Variants in PFKL observed in about 807,000 individuals in gnomAD.
PFKL encodes the protein phosphofructokinase, liver type, also known as ATP-dependent 6-phosphofructokinase, liver type.
PFKL carries 74 observed loss-of-function variants against 92.1 expected under a neutral mutation model. That is an observed-to-expected ratio of 0.80 (90% CI 0.67 to 0.97). The LOEUF (loss-of-function observed/expected upper bound fraction) is 0.97. Among genes scored for constraint, PFKL ranks in the 50% least tolerant of loss-of-function variants. PFKL has a pLI of 0.00. For synonymous variants in PFKL, 494 were observed against 456.4 expected (o/e 1.08, Z -1.05); for missense variants, 1,028 against 1,116.6 (o/e 0.92, Z 1.13).
At chr21:44,318,131 C>T (rs939135172) in intron 9 of PFKL, among the ~76,000 whole-genome samples, 4 of 152,258 alleles carry the variant, frequency 2.6e-5, no homozygotes, top group Admixed American at 1.3e-4. Context: ...GAGGATCCAT[C>T]GCAGCGGATG....
At chr21:44,321,513 G>C in intron 12 of PFKL, 1 of 436,852 alleles carries the variant, frequency 2.3e-6, no homozygotes, top group Non-Finnish European at 4.0e-6. Flanking sequence ...AGGGGGCCAG[G>C]CTTGCACCGT....
Position 44,316,452 on chromosome 21 carries a change from C to G in PFKL, c.864C>G (p.Gly288=). 1 of 1,611,766 alleles carries G rather than the reference C, an allele frequency of 6.2e-7. No homozygotes were observed. The highest frequency in any genetic ancestry group is 8.5e-7 in the Non-Finnish European group (1 of 1,178,900). Residue 288 remains glycine (G), a synonymous_variant, in exon 9 of 22, where the codon GGC becomes GGG. Transcript: ENST00000349048. ...YVKDLVVQRL[G]FDTRVTVLGH... is the part of the protein sequence containing the mutation. ...TGCAGCTGGTGGTTCAGAGGCTGGG[C>G]TTCGACACCCGTGTAACTGTGCTGG...
chr21:44,324,458 G>C (rs144833708), intron 16 of PFKL, 33 bp from the exon 17 acceptor site: 7 of 1,610,256 alleles, frequency 4.3e-6, no homozygotes, highest in Non-Finnish European at 5.9e-6. Context: ...GGGTGGGCAC[G>C]TGGAGGACCC....
chr21:44,316,351 C>T lies in PFKL; in HGVS notation c.843+12C>T. On this transcript the variant is annotated intron_variant, in intron 8 of 21. Coordinates refer to ENST00000349048, the MANE Select transcript of PFKL (RefSeq NM_002626.6). ...GCTACGTGAAGGACGTGCGTGTGGG[C>T]CTGGGGGTGGCCACTGGGCACCTGC... The T allele has an allele frequency of 1.9e-6, 3 of 1,612,774 alleles. No homozygotes were observed. The highest frequency in any genetic ancestry group is 2.5e-6 in the Non-Finnish European group (3 of 1,179,534).
At position 44,314,002 on chromosome 21, in the gene PFKL, T is replaced by C. The variant is rs1335535843; in HGVS notation, c.728T>C (p.Met243Thr). The stretch of plus-strand genomic sequence containing the variant: ...CCCGAGGACGGCTGGGAGAACTTCA[T>C]GTGTGAGAGGCTGGGTGAGGTGGGT... Reference protein sequence around the residue: ...APPEDGWENFMCERLGETRSR... With the variant: ...APPEDGWENFTCERLGETRSR... Residue 243 changes from methionine to threonine, a missense_variant, in exon 7 of 22, where the codon ATG becomes ACG. Coordinates refer to ENST00000349048, the MANE Select transcript of PFKL (RefSeq NM_002626.6). The C allele has an allele frequency of 1.9e-6, 3 of 1,606,634 alleles. No homozygotes were observed. The highest frequency in any genetic ancestry group is 1.3e-5 in the African/African-American group (1 of 74,982).
chr21:44,319,272 A>G, intron 10 of PFKL, 79 bp from the exon 11 acceptor site: 1 of 1,254,966 alleles, frequency 8.0e-7, no homozygotes, highest in Non-Finnish European at 1.2e-6. Context: ...TGCCCTCGTC[A>G]GGCCCACCAG....
Position 44,324,750 on chromosome 21 carries a change from C to G in PFKL, c.1815+95C>G, listed in dbSNP as rs911889614. 3 of 1,565,220 alleles carry G rather than the reference C, an allele frequency of 1.9e-6. No individual in the cohort carries two copies. In the African/African-American group the frequency reaches 4.0e-5, roughly 21 times the overall value. On this transcript the variant is annotated intron_variant, in intron 17 of 21. Coordinates refer to ENST00000349048, the MANE Select transcript of PFKL (RefSeq NM_002626.6). Reference sequence around the variant, plus strand: ...CGGCCAGCGCAGGGCAGGGCCCGGGCAGGTGGGACGCGTAGCCCAGTGCTC... The same window carrying G: ...CGGCCAGCGCAGGGCAGGGCCCGGGGAGGTGGGACGCGTAGCCCAGTGCTC...
chr21:44,310,521 C>T (rs2041085327), intron 2 of PFKL, among the ~76,000 whole-genome samples: 1 of 152,188 alleles, frequency 6.6e-6, no homozygotes. Flanking sequence ...TTCACACGGC[C>T]GCCACACAGC....
rs2047447821 is a variant in PFKL, at chr21:44,324,611, GC to G, written c.1773del (p.Ala592ProfsTer13). 1 of 1,610,672 alleles carries G rather than the reference GC, an allele frequency of 6.2e-7. No homozygotes were observed. Among genetic ancestry groups the G allele is most frequent in the Admixed American group, 1.7e-5 (1 of 59,714 alleles). On this transcript the variant is annotated frameshift_variant, in exon 17 of 22. Transcript: ENST00000349048. LOFTEE classifies it high-confidence loss of function. ...GACTGGCATTGCTGTGGGGGCCGACGCCGCCTACGTCTTCGAGGACCCTTTC... is the reference window on the plus strand; with the variant it reads ...GACTGGCATTGCTGTGGGGGCCGACGCGCCTACGTCTTCGAGGACCCTTTC... ...TVTGIAVGAD[A>X]AYVFEDPFNI...
intron 2 of PFKL, among the ~76,000 whole-genome samples, chr21:44,308,584 CAG>C (rs1460499055): frequency 1.0e-4 from 13 of 129,154 alleles, no homozygotes; most frequent in African/African-American, 1.8e-4. Context: ...TTTTTTGAGA[CAG>C]AGTCTCATTC....
chr21:44,310,762 C>CA (rs2047018702), intron 2 of PFKL, among the ~76,000 whole-genome samples: 1 of 151,966 alleles, frequency 6.6e-6, no homozygotes, highest in South Asian at 2.1e-4. Context: ...GCCCCTGCAC[C>CA]AAAGCACTTG....
chr21:44,306,805 C>T (rs371505384), intron 2 of PFKL, 51 bp downstream of exon 2: 27 of 1,518,176 alleles, frequency 1.8e-5, no homozygotes, highest in Middle Eastern at 1.7e-4. Flanking sequence ...CCTCCTGAGG[C>T]GCATGCCGAG....
chr21:44,319,280 C>G (rs886883867), intron 10 of PFKL, 71 bp from the exon 11 acceptor site: 80 of 1,350,622 alleles, frequency 5.9e-5, no homozygotes, highest in Non-Finnish European at 7.2e-5. Flanking sequence ...TCAGGCCCAC[C>G]AGACAGGGCA....
chr21:44,310,059 C>A (rs1055772900), intron 2 of PFKL, among the ~76,000 whole-genome samples: 1 of 152,228 alleles, frequency 6.6e-6, no homozygotes, highest in African/African-American at 2.4e-5. Flanking sequence ...CCGCCCTGGC[C>A]GAGGAATGGC....
intron 18 of PFKL, 55 bp from the exon 19 acceptor site, chr21:44,325,098 T>G: frequency 4.5e-6 from 6 of 1,340,102 alleles, no homozygotes; most frequent in Non-Finnish European, 6.4e-6. Flanking sequence ...GGACTCAGGA[T>G]CGGGGGGAGA....
intron 1 of PFKL, among the ~76,000 whole-genome samples, 187 bp from the exon 2 acceptor site, chr21:44,306,494 G>A (rs544199566): frequency 5.7e-4 from 86 of 152,064 alleles, no homozygotes; most frequent in Middle Eastern, 3.4e-3. Context: ...TGGGGAGGGC[G>A]TCCGGGCCTT....
At chr21:44,323,268 T>C (rs575264785) in intron 15 of PFKL, among the ~76,000 whole-genome samples, 1 of 152,082 alleles carries the variant, frequency 6.6e-6, no homozygotes, top group Non-Finnish European at 1.5e-5. Context: ...GTGCTGTGTG[T>C]GGGCTCGGGA....
At chr21:44,326,615 C>T (rs2047518967) in intron 21 of PFKL, 100 bp from the exon 22 acceptor site, 4 of 1,334,004 alleles carry the variant, frequency 3.0e-6, no homozygotes, top group Non-Finnish European at 3.9e-6. Context: ...GGGGCATGCA[C>T]AGGCTGCAGG....
intron 16 of PFKL, 62 bp downstream of exon 16, chr21:44,323,980 A>C: frequency 6.3e-7 from 1 of 1,591,368 alleles, no homozygotes. Context: ...GGCTGAGCCT[A>C]CGGAGGCTGC....
Sources: allele counts gnomAD v4.1 joint callset (sites outside exome capture counted in the v4.1 genomes callset), GRCh38; gene constraint gnomAD v4.1.1; transcripts MANE v1.5; gene names NCBI Gene and HGNC (gene_info 2026-07-23, HGNC 2026-07-21).